Variants in ATP8A2 observed in about 807,000 individuals in gnomAD.
ATP8A2 encodes the protein phospholipid-transporting ATPase IB.
ATP8A2 carries 100 observed loss-of-function variants against 165.6 expected under a neutral mutation model. The observed-to-expected ratio is 0.60, with a 90% CI of 0.51 to 0.71. ATP8A2 has a LOEUF of 0.71. ATP8A2 is among the 30% of genes least tolerant of loss of function. The probability of loss-of-function intolerance (pLI) is 0.00; values close to 1 mark genes in which losing one functional copy is unlikely to be tolerated. For missense variants in ATP8A2, 1,227 were observed against 1,479.5 expected, an observed-to-expected ratio of 0.83 and a Z score of 2.80; for synonymous variants, 543 against 548.8, an observed-to-expected ratio of 0.99 and a Z score of 0.15.
chr13:25,593,029 A>G (rs2040132899), intron 24 of ATP8A2, among the ~76,000 whole-genome samples: 1 of 152,138 alleles, frequency 6.6e-6, no homozygotes, highest in Admixed American at 6.5e-5. Flanking sequence ...TCTACTGAGG[A>G]AGATTCTACT....
intron 12 of ATP8A2, 66 bp downstream of exon 12, chr13:25,553,986 T>A: frequency 6.6e-7 from 1 of 1,521,002 alleles, no homozygotes; most frequent in Non-Finnish European, 9.0e-7. Flanking sequence ...GGCATTTAAT[T>A]GAGCACTCAA....
intron 1 of ATP8A2, among the ~76,000 whole-genome samples, chr13:25,393,728 C>T (rs1231683341): frequency 6.6e-6 from 1 of 152,128 alleles, no homozygotes; most frequent in African/African-American, 2.4e-5. Context: ...TATTTATATA[C>T]TTTTTGACTC....
intron 24 of ATP8A2, among the ~76,000 whole-genome samples, chr13:25,660,389 A>AAGGC (rs2042023666): frequency 6.6e-6 from 1 of 152,204 alleles, no homozygotes; most frequent in Non-Finnish European, 1.5e-5. Context: ...ACCAGTCCTT[A>AAGGC]AGGCAGGGTG....
At chr13:25,798,661 A>G (rs1390754912) in intron 27 of ATP8A2, among the ~76,000 whole-genome samples, 1 of 152,196 alleles carries the variant, frequency 6.6e-6, no homozygotes, top group Non-Finnish European at 1.5e-5. Flanking sequence ...TTTTAGAAAG[A>G]AAGAGCTGAG....
At chr13:26,018,617 G>T (rs1308122755) in intron 36 of ATP8A2, among the ~76,000 whole-genome samples, 1 of 152,192 alleles carries the variant, frequency 6.6e-6, no homozygotes, top group African/African-American at 2.4e-5. Flanking sequence ...GACACAGAAG[G>T]GTTAGCCAAT....
chr13:25,715,385 A>T (rs1458999842), intron 25 of ATP8A2, among the ~76,000 whole-genome samples: 1 of 152,232 alleles, frequency 6.6e-6, no homozygotes, highest in African/African-American at 2.4e-5. Context: ...GAAGTATACA[A>T]TTCAATCAAA....
At chr13:25,478,110 A>G (rs1380308715) in intron 2 of ATP8A2, among the ~76,000 whole-genome samples, 3 of 152,130 alleles carry the variant, frequency 2.0e-5, no homozygotes, top group African/African-American at 7.2e-5. Flanking sequence ...GTCAGAAGAA[A>G]AAAGGATCAG....
intron 4 of ATP8A2, among the ~76,000 whole-genome samples, chr13:25,531,576 A>T (rs995024934): frequency 2.0e-5 from 3 of 151,490 alleles, no homozygotes; most frequent in Admixed American, 6.6e-5. Flanking sequence ...CTTTCTGGGA[A>T]TAGGTATGTA....
chr13:25,594,984 G>GTGTATATATATATATATATA (rs150738527), intron 24 of ATP8A2, among the ~76,000 whole-genome samples: 7 of 142,816 alleles, frequency 4.9e-5, no homozygotes, highest in African/African-American at 1.8e-4. Flanking sequence ...GTGTGTGTGT[G>GTGTATATATATATATATATA]TATATATATA....
intron 24 of ATP8A2, among the ~76,000 whole-genome samples, chr13:25,692,343 T>C (rs1170249028): frequency 1.3e-5 from 2 of 152,180 alleles, no homozygotes; most frequent in African/African-American, 4.8e-5. Flanking sequence ...CACTGGAATT[T>C]GCAGGACATC....
rs1041355752 is a variant in ATP8A2, at chr13:26,022,067, A to G, written c.*2082A>G. ...GGCCATTTCTTTCTCCCCAAGGTGC[A>G]TAGAACATTTTTAAATATCAGAGTA... On this transcript the variant is annotated 3_prime_UTR_variant, in exon 37 of 37. Coordinates refer to ENST00000381655, the MANE Select transcript of ATP8A2 (RefSeq NM_016529.6). 6.6e-6 allele frequency: 1 copy of G among 152,214 alleles called. No homozygotes were observed. Among genetic ancestry groups the G allele is most frequent in the African/African-American group, 2.4e-5 (1 of 41,462 alleles). The allele number at this position is 152,214 out of a possible 1,614,324, so 9.4% of individuals were successfully genotyped here.
At chr13:25,839,451 G>T in intron 29 of ATP8A2, 95 bp from the exon 30 acceptor site, 2 of 846,514 alleles carry the variant, frequency 2.4e-6, no homozygotes, top group Non-Finnish European at 4.1e-6. Flanking sequence ...TGCAGCGCAC[G>T]GCCAGGATCC....
chr13:25,599,709 A>T (rs2138362580), intron 24 of ATP8A2, among the ~76,000 whole-genome samples: 1 of 152,322 alleles, frequency 6.6e-6, no homozygotes, highest in Non-Finnish European at 1.5e-5. Context: ...AGACCAGAAT[A>T]GTGCATCTGT....
intron 10 of ATP8A2, among the ~76,000 whole-genome samples, chr13:25,550,637 T>A (rs1242380130): frequency 6.6e-6 from 1 of 152,148 alleles, no homozygotes; most frequent in Non-Finnish European, 1.5e-5. Context: ...AAGCCTGTGA[T>A]AAGGTTGCCA....
At chr13:25,629,632 T>G (rs868567172) in intron 24 of ATP8A2, among the ~76,000 whole-genome samples, 64 of 152,200 alleles carry the variant, frequency 4.2e-4, no homozygotes, top group African/African-American at 1.5e-3. Context: ...GGAGGCTATT[T>G]GAAGGAATAG....
At position 25,601,530 on chromosome 13, in the gene ATP8A2, T is replaced by C. The variant is rs1259819340; in HGVS notation, c.2211+11831T>C. 2.0e-5 allele frequency among the ~76,000 whole-genome samples: 3 copies of C among 152,340 alleles called. No homozygotes were observed. In the East Asian group the frequency reaches 5.8e-4, roughly 29 times the overall value. On this transcript the variant is annotated intron_variant, in intron 24 of 36. Transcript: ENST00000381655. Reference sequence around the variant, plus strand: ...CGTTCTGTCACCCATGCTGGCGCCATCTCAGCTCACTACAACCTCTGCCTC... The same window carrying C: ...CGTTCTGTCACCCATGCTGGCGCCACCTCAGCTCACTACAACCTCTGCCTC...
intron 2 of ATP8A2, among the ~76,000 whole-genome samples, chr13:25,520,369 G>T (rs2037622931): frequency 6.6e-6 from 1 of 152,120 alleles, no homozygotes; most frequent in African/African-American, 2.4e-5. Context: ...TTTTGTGGCT[G>T]AATAAGTACT....
intron 27 of ATP8A2, among the ~76,000 whole-genome samples, chr13:25,790,965 C>G (rs2045155824): frequency 6.6e-6 from 1 of 152,162 alleles, no homozygotes; most frequent in Non-Finnish European, 1.5e-5. Flanking sequence ...TGTGGAAAAA[C>G]AGTGTGATGA....
chr13:25,967,623 A>G (rs1312101720), intron 34 of ATP8A2, among the ~76,000 whole-genome samples: 3 of 152,156 alleles, frequency 2.0e-5, no homozygotes, highest in Non-Finnish European at 4.4e-5. Context: ...AAACCGATGC[A>G]AAGCTTTTCA....
Sources: allele counts gnomAD v4.1 joint callset (sites outside exome capture counted in the v4.1 genomes callset), GRCh38; gene constraint gnomAD v4.1.1; transcripts MANE v1.5; gene names NCBI Gene and HGNC (gene_info 2026-07-23, HGNC 2026-07-21).